The following ATF7 variants were observed in gnomAD, a reference collection of about 807,000 sequenced individuals.
ATF7 encodes the protein activating transcription factor 7, also known as cyclic AMP-dependent transcription factor ATF-7.
Under a neutral mutation model 50.4 loss-of-function variants are expected in ATF7, and 10 were observed. The ratio of observed to expected loss-of-function variants is 0.20; its 90% confidence interval spans 0.12 to 0.34. The LOEUF (loss-of-function observed/expected upper bound fraction) is 0.34, where lower values mean the gene tolerates loss of function less well. Ranked by LOEUF, ATF7 falls within the 10% of genes least tolerant of loss-of-function variation. ATF7 has a pLI of 1.00. For synonymous variants in ATF7, 201 were observed against 226.4 expected (o/e 0.89, Z 1.01); for missense variants, 465 against 613.9 (o/e 0.76, Z 2.56).
chr12:53,523,799 C>T (rs1938263397), intron 10 of ATF7, among the ~76,000 whole-genome samples: 1 of 152,148 alleles, frequency 6.6e-6, no homozygotes, highest in African/African-American at 2.4e-5. Flanking sequence ...CATCACTACA[C>T]TACAGAATAT....
chr12:53,582,172 T>G (rs1020017976), intron 2 of ATF7, among the ~76,000 whole-genome samples: 2 of 149,960 alleles, frequency 1.3e-5, no homozygotes, highest in South Asian at 4.2e-4. Flanking sequence ...CAAAAAGAAA[T>G]AAAAAAATTA....
rs964904166 is a variant in ATF7 at position 53,579,975 on chromosome 12, G to A, written c.48+20978C>T. 5.3e-5 allele frequency among the ~76,000 whole-genome samples: 8 copies of A among 151,818 alleles called. No homozygotes were observed. In the South Asian group the frequency reaches 1.2e-3, roughly 24 times the overall value. ...TTTTGAGACGGAGTCTCACTCTGTCGGCCAGGCTGGAGTGGCACGATCTCA... is the reference window on the plus strand; with the variant it reads ...TTTTGAGACGGAGTCTCACTCTGTCAGCCAGGCTGGAGTGGCACGATCTCA... On this transcript the variant is annotated intron_variant, in intron 2 of 11. Transcript: ENST00000420353.
chr12:53,601,259 C>G (rs1010094935), intron 1 of ATF7, among the ~76,000 whole-genome samples: 3 of 152,164 alleles, frequency 2.0e-5, no homozygotes, highest in African/African-American at 7.2e-5. Context: ...GAATTTCAAA[C>G]CTTTGCTAGA....
chr12:53,579,242 T>TCAAAAAAAAAAATAAA, intron 2 of ATF7, among the ~76,000 whole-genome samples: 6 of 150,178 alleles, frequency 4.0e-5, no homozygotes. Context: ...AGACTCCATC[T>TCAAAAAAAAAAATAAA]TAAAAAAAAG....
chr12:53,543,540 T>C (rs1235872085), intron 3 of ATF7, 92 bp from the exon 4 acceptor site: 13 of 1,336,054 alleles, frequency 9.7e-6, no homozygotes, highest in Non-Finnish European at 1.2e-5. Context: ...ATTTGTACTT[T>C]TTGATTTGGA....
chr12:53,545,126 A>T (rs1243806348), intron 3 of ATF7, among the ~76,000 whole-genome samples: 3 of 152,142 alleles, frequency 2.0e-5, no homozygotes, highest in Admixed American at 2.0e-4. Flanking sequence ...ATGAGGTTCA[A>T]ACGAACTTCT....
chr12:53,605,596 G>A (rs1943570230), intron 1 of ATF7, among the ~76,000 whole-genome samples: 2 of 152,088 alleles, frequency 1.3e-5, no homozygotes, highest in Non-Finnish European at 2.9e-5. Context: ...CCCTCATAGA[G>A]CTTATTTACA....
chr12:53,554,797 A>G (rs1940608126), intron 2 of ATF7, among the ~76,000 whole-genome samples: 1 of 129,990 alleles, frequency 7.7e-6, no homozygotes, highest in Non-Finnish European at 1.6e-5. Context: ...CGGGAGGTGG[A>G]GTTTGCAGTG....
chr12:53,577,098 T>G (rs1005490778), intron 2 of ATF7, among the ~76,000 whole-genome samples: 3 of 151,978 alleles, frequency 2.0e-5, no homozygotes, highest in Admixed American at 2.0e-4. Context: ...ATGGGCTCAG[T>G]AGTAGACTGG....
chr12:53,624,716 T>C (rs544777069), intron 1 of ATF7, among the ~76,000 whole-genome samples: 1 of 152,340 alleles, frequency 6.6e-6, no homozygotes, highest in African/African-American at 2.4e-5. Context: ...TATTATGACA[T>C]AGCTTTAGTT....
rs2137715677 is a variant in ATF7, at chr12:53,583,270, T to A, written c.48+17683A>T. On this transcript the variant is annotated intron_variant, in intron 2 of 11. Transcript: ENST00000420353. ...AGCCAGAACTCTGCCTTCTGTCAGA[T>A]CAGTCGCAGCATTAGATTCTCAAAG... Among the ~76,000 whole-genome samples, 3 of 152,198 alleles carry A rather than the reference T, an allele frequency of 2.0e-5. No individual in the cohort carries two copies. The Middle Eastern group carries it at 0.01, about 518-fold the overall frequency.
intron 4 of ATF7, among the ~76,000 whole-genome samples, chr12:53,542,108 T>TTTTTTTTTTTTG (rs1939593924): frequency 1.1e-5 from 1 of 91,820 alleles, no homozygotes; most frequent in Non-Finnish European, 2.2e-5. Flanking sequence ...GCCTGGCCTG[T>TTTTTTTTTTTTG]TTTTTTTTTT....
intron 11 of ATF7, among the ~76,000 whole-genome samples, chr12:53,520,980 G>GT (rs1938088689): frequency 6.6e-6 from 1 of 151,202 alleles, no homozygotes; most frequent in Admixed American, 6.6e-5. Flanking sequence ...CTGTTCAAAT[G>GT]TAAGTCAGAT....
chr12:53,595,204 A>C (rs1565988170), intron 2 of ATF7, among the ~76,000 whole-genome samples: 1 of 152,122 alleles, frequency 6.6e-6, no homozygotes, highest in East Asian at 1.9e-4. Context: ...AAAAAGGCTT[A>C]TTTTTTTGCC....
At chr12:53,624,637 TCCACTTA>T (rs770532714) in intron 1 of ATF7, among the ~76,000 whole-genome samples, 1 of 152,228 alleles carries the variant, frequency 6.6e-6, no homozygotes, top group African/African-American at 2.4e-5. Flanking sequence ...CGCAAGAGCC[TCCACTTA>T]CCTTACAACT....
chr12:53,533,378 G>A, intron 6 of ATF7, 119 bp from the exon 7 acceptor site: 3 of 761,960 alleles, frequency 3.9e-6, no homozygotes, highest in Non-Finnish European at 6.3e-6. Context: ...GGGCAGCATG[G>A]TAAAAATCTT....
intron 2 of ATF7, among the ~76,000 whole-genome samples, chr12:53,578,444 C>T (rs930018777): frequency 4.0e-5 from 6 of 151,310 alleles, no homozygotes; most frequent in Non-Finnish European, 7.4e-5. Flanking sequence ...AATTGTTGCC[C>T]ACAGACTTGC....
chr12:53,511,724 G>C (rs752023594), downstream of ATF7, among the ~76,000 whole-genome samples: 1 of 152,180 alleles, frequency 6.6e-6, no homozygotes, highest in Non-Finnish European at 1.5e-5. Context: ...AAGGCCATTT[G>C]CCATCAGCAA....
intron 2 of ATF7, among the ~76,000 whole-genome samples, chr12:53,587,843 A>ATATATATATATTTTTT: frequency 2.9e-4 from 18 of 61,562 alleles, no homozygotes; most frequent in Non-Finnish European, 5.4e-4. Context: ...ATATATATAT[A>ATATATATATATTTTTT]TTTTTTTTTT....
Sources: gnomAD v4.1 joint callset for allele counts (sites outside exome capture counted in the v4.1 genomes callset) on GRCh38, gnomAD v4.1.1 for gene constraint, MANE v1.5 for transcripts, NCBI Gene and HGNC (gene_info 2026-07-23, HGNC 2026-07-21) for gene names.